Variants in RAB27A observed in about 807,000 individuals in gnomAD.
The protein encoded by RAB27A is RAB27A, member RAS oncogene family.
In RAB27A, 17 loss-of-function variants were observed where a neutral mutation model predicts 20.8. The ratio of observed to expected loss-of-function variants is 0.82; its 90% CI spans 0.56 to 1.23. The LOEUF (loss-of-function observed/expected upper bound fraction) is 1.23. Among genes scored for constraint, RAB27A ranks in the 50% most tolerant of loss-of-function variants. The pLI is 0.00. For synonymous variants in RAB27A, 85 were observed against 92.8 expected, an observed-to-expected ratio of 0.92 and a Z score of 0.48; for missense variants, 277 against 266.7, an observed-to-expected ratio of 1.04 and a Z score of -0.27.
In RAB27A at chr15:55,234,958, T is replaced by C; in HGVS notation, c.-22-2A>G. On this transcript the variant is annotated splice_acceptor_variant, in intron 2 of 6. Coordinates refer to ENST00000336787, the MANE Select transcript of RAB27A (RefSeq NM_183235.3). LOFTEE classifies it low-confidence loss of function (5UTR_SPLICE). ...ATAATGAAGAACTCAGTAGTTCACC[T>C]GTAAAATACACACAAAATTTTTTAA... is the stretch of plus-strand genomic sequence containing the variant. 1 of 1,600,028 alleles carries C rather than the reference T, an allele frequency of 6.2e-7. No homozygotes were observed. Among genetic ancestry groups the C allele is most frequent in the Non-Finnish European group, 8.5e-7 (1 of 1,172,236 alleles).
At chr15:55,312,487 G>C (rs2055025849) in intron 2 of RAB27A, among the ~76,000 whole-genome samples, 1 of 152,194 alleles carries the variant, frequency 6.6e-6, no homozygotes, top group South Asian at 2.1e-4. Context: ...TTCCCAAAGT[G>C]ACTGCACCAT....
intron 2 of RAB27A, among the ~76,000 whole-genome samples, chr15:55,247,942 T>G (rs1896751061): frequency 6.6e-6 from 1 of 150,900 alleles, no homozygotes; most frequent in Non-Finnish European, 1.5e-5. Context: ...AACCACTTTT[T>G]TTTTTTTTTT....
At chr15:55,229,150 T>G (rs1422514120) in intron 4 of RAB27A, among the ~76,000 whole-genome samples, 1 of 152,212 alleles carries the variant, frequency 6.6e-6, no homozygotes, top group Non-Finnish European at 1.5e-5. Flanking sequence ...GACCTTATTC[T>G]GTCTTGGTAC....
chr15:55,267,027 C>A (rs1897515690), intron 2 of RAB27A, among the ~76,000 whole-genome samples: 2 of 152,134 alleles, frequency 1.3e-5, no homozygotes, highest in Admixed American at 6.5e-5. Context: ...AGCAGCAAGA[C>A]AGATACAAGA....
intron 2 of RAB27A, among the ~76,000 whole-genome samples, chr15:55,248,228 A>C (rs1426595280): frequency 6.6e-6 from 1 of 152,156 alleles, no homozygotes. Flanking sequence ...TCCATAGTCA[A>C]ACATCCACCC....
At chr15:55,217,818 C>G (rs898721256) in intron 6 of RAB27A, among the ~76,000 whole-genome samples, 1 of 151,906 alleles carries the variant, frequency 6.6e-6, no homozygotes, top group Non-Finnish European at 1.5e-5. Flanking sequence ...AAAAATTCAG[C>G]ACTGCTCATC....
intron 2 of RAB27A, among the ~76,000 whole-genome samples, chr15:55,258,457 C>A (rs1897160905): frequency 1.3e-5 from 2 of 152,186 alleles, no homozygotes; most frequent in Admixed American, 6.5e-5. Flanking sequence ...CAGGCCCTGT[C>A]CAGCCACCCT....
At chr15:55,300,741 C>T (rs921465288) in intron 2 of RAB27A, among the ~76,000 whole-genome samples, 3 of 151,674 alleles carry the variant, frequency 2.0e-5, no homozygotes, top group Non-Finnish European at 2.9e-5. Flanking sequence ...AGGCAGGGGG[C>T]GAGGGCAGGA....
intron 2 of RAB27A, among the ~76,000 whole-genome samples, chr15:55,312,268 AG>A (rs1299810289): frequency 6.6e-6 from 1 of 152,190 alleles, no homozygotes; most frequent in Non-Finnish European, 1.5e-5. Flanking sequence ...GGCGAGCAAA[AG>A]CTCAGCTGGA....
At position 55,205,503 on chromosome 15, in the gene RAB27A, C is replaced by A. The variant is rs990545062; in HGVS notation, c.*4G>T. 6.2e-7 allele frequency: 1 copy of A among 1,613,862 alleles called. No individual in the cohort carries two copies. The highest frequency in any genetic ancestry group is 8.5e-7 in the Non-Finnish European group (1 of 1,179,862). ...CTGAACTACTATGTCGCTTACTTGA[C>A]TTCTCAACAGCCACATGCCCCTTTC... On this transcript the variant is annotated 3_prime_UTR_variant, in exon 7 of 7. Transcript: ENST00000336787.
intron 2 of RAB27A, among the ~76,000 whole-genome samples, chr15:55,236,209 C>T (rs985979235): frequency 6.6e-6 from 1 of 152,028 alleles, no homozygotes; most frequent in Admixed American, 6.6e-5. Flanking sequence ...TAGAACCTTG[C>T]CTTTTCTCTC....
intron 2 of RAB27A, among the ~76,000 whole-genome samples, chr15:55,295,899 CTTT>C (rs762977591): frequency 2.9e-5 from 4 of 139,278 alleles, no homozygotes; most frequent in Non-Finnish European, 3.2e-5. Flanking sequence ...AGAACCAATA[CTTT>C]TTTTTTTTTT....
At chr15:55,271,085 T>C (rs1054657244) in intron 1 of RAB27A, among the ~76,000 whole-genome samples, 5 of 152,216 alleles carry the variant, frequency 3.3e-5, no homozygotes, top group African/African-American at 1.2e-4. Context: ...TATTTGGTTT[T>C]CTGGTCCCCA....
intron 2 of RAB27A, among the ~76,000 whole-genome samples, chr15:55,257,003 A>G (rs183579154): frequency 5.4e-4 from 82 of 152,332 alleles, no homozygotes; most frequent in African/African-American, 1.9e-3. Flanking sequence ...AGGGGATCCA[A>G]GATACACTAA....
chr15:55,269,087 C>A (rs1035353457), intron 2 of RAB27A, among the ~76,000 whole-genome samples: 1 of 152,158 alleles, frequency 6.6e-6, no homozygotes, highest in African/African-American at 2.4e-5. Context: ...TCAAAAGGGA[C>A]CAACCCCGCT....
At chr15:55,290,945 C>T (rs765509489), upstream of RAB27A, among the ~76,000 whole-genome samples, 3 of 152,246 alleles carry the variant, frequency 2.0e-5, no homozygotes, top group Non-Finnish European at 4.4e-5. Flanking sequence ...CGCAGGCCCA[C>T]CCGGTCAACT....
chr15:55,206,600 C>G (rs1227315908), intron 6 of RAB27A, among the ~76,000 whole-genome samples: 1 of 152,120 alleles, frequency 6.6e-6, no homozygotes. Flanking sequence ...GCCTTGGCCT[C>G]CAAAGTGCTG....
intron 1 of RAB27A, among the ~76,000 whole-genome samples, chr15:55,279,232 C>T (rs1358253261): frequency 2.0e-5 from 3 of 152,144 alleles, no homozygotes; most frequent in African/African-American, 7.2e-5. Context: ...ACCCAGTGTC[C>T]GAGGCCTGTG....
chr15:55,283,595 A>C (rs971500051), intron 1 of RAB27A, among the ~76,000 whole-genome samples: 2 of 152,190 alleles, frequency 1.3e-5, no homozygotes, highest in Non-Finnish European at 2.9e-5. Context: ...TTATCTTTTC[A>C]AGGACTGTTA....
Sources: allele counts gnomAD v4.1 joint callset (sites outside exome capture counted in the v4.1 genomes callset), GRCh38; gene constraint gnomAD v4.1.1; transcripts MANE v1.5; gene names NCBI Gene and HGNC (gene_info 2026-07-23, HGNC 2026-07-21).